The following PACRG variants were observed in gnomAD, a reference collection of about 807,000 sequenced individuals.
The protein encoded by PACRG is parkin coregulated.
PACRG carries 29 observed loss-of-function variants against 29.7 expected under a neutral mutation model. The ratio of observed to expected loss-of-function variants is 0.98; its 90% CI spans 0.73 to 1.33. PACRG has a LOEUF of 1.33. Ranked by LOEUF, PACRG falls within the 40% of genes most tolerant of loss-of-function variation. PACRG has a pLI of 0.00. For synonymous variants in PACRG, 116 were observed against 118.7 expected, an observed-to-expected ratio of 0.98 and a Z score of 0.15; for missense variants, 279 against 316.2, an observed-to-expected ratio of 0.88 and a Z score of 0.89.
chr6:163,214,089 G>T (rs555524648), intron 4 of PACRG, among the ~76,000 whole-genome samples: 1 of 151,916 alleles, frequency 6.6e-6, no homozygotes, highest in Non-Finnish European at 1.5e-5. Context: ...AACATGCTTC[G>T]GTAGAGTATT....
intron 4 of PACRG, among the ~76,000 whole-genome samples, chr6:163,167,755 T>C (rs1465354739): frequency 6.6e-6 from 1 of 152,230 alleles, no homozygotes; most frequent in Non-Finnish European, 1.5e-5. Context: ...TTGATTCTGC[T>C]CAAAACTCTG....
intron 1 of PACRG, among the ~76,000 whole-genome samples, chr6:162,761,454 C>T (rs1325916526): frequency 1.3e-5 from 2 of 152,108 alleles, no homozygotes; most frequent in Non-Finnish European, 2.9e-5. Flanking sequence ...CTTTAGAAAG[C>T]ATAGGAAGTT....
rs113237986 is a variant in PACRG at position 163,110,618 on chromosome 6, C to T, written c.613+21210C>T. Among the ~76,000 whole-genome samples the T allele has an allele frequency of 5.1e-3, 772 of 152,292 alleles. 11 individuals are homozygous for T. Among genetic ancestry groups the T allele is most frequent in the African/African-American group, 0.017 (722 of 41,560 alleles). On this transcript the variant is annotated intron_variant, in intron 4 of 4. Coordinates refer to ENST00000366888, the MANE Select transcript of PACRG (RefSeq NM_001080379.2). ...TCACATTGCTGTCTTCACCACAGAGCCCCTTGTAGAGCCAAAATACCATGG... is the reference window on the plus strand; with the variant it reads ...TCACATTGCTGTCTTCACCACAGAGTCCCTTGTAGAGCCAAAATACCATGG...
At chr6:163,047,046 C>A (rs145441865) in intron 2 of PACRG, among the ~76,000 whole-genome samples, 1 of 152,234 alleles carries the variant, frequency 6.6e-6, no homozygotes, top group African/African-American at 2.4e-5. Flanking sequence ...CTTATTTGGT[C>A]GAGTGTATTA....
intron 2 of PACRG, among the ~76,000 whole-genome samples, chr6:163,012,187 T>A (rs1159351754): frequency 6.6e-6 from 1 of 152,264 alleles, no homozygotes; most frequent in African/African-American, 2.4e-5. Context: ...GTACCCCTTT[T>A]ATTCTAATCC....
In PACRG at chr6:162,995,891, A is replaced by G. The variant is rs545989749; in HGVS notation, c.292-66259A>G. Among the ~76,000 whole-genome samples the G allele has an allele frequency of 8.5e-5, 13 of 152,360 alleles. No homozygotes were observed. The South Asian group carries it at 1.2e-3, about 15-fold the overall frequency. On this transcript the variant is annotated intron_variant, in intron 2 of 4. Transcript: ENST00000366888. ...CTTGGCTATTGTGAATAATGCCACAATGAACATGGGAGGATAGATATCTCT... is the reference window on the plus strand; with the variant it reads ...CTTGGCTATTGTGAATAATGCCACAGTGAACATGGGAGGATAGATATCTCT...
rs1562349627 is a variant in PACRG at position 163,269,889 on chromosome 6, GAAAACAAAGAA to G, written c.614-44936_614-44926del. Among the ~76,000 whole-genome samples the G allele has an allele frequency of 4.9e-4, 12 of 24,386 alleles. 1 individual carries two copies. Among genetic ancestry groups the G allele is most frequent in the African/African-American group, 1.8e-3 (11 of 6,028 alleles). 16.0% of individuals were successfully genotyped at this position (24,386 alleles called of 152,430 possible). A position where few individuals can be genotyped will look rare whatever the true frequency, so the allele number is the denominator to read the frequency against. On this transcript the variant is annotated intron_variant, in intron 4 of 4. Transcript: ENST00000366888. The stretch of plus-strand genomic sequence containing the variant: ...AAAGAGAAAGAAAGAAAGAAAGAAA[GAAAACAAAGAA>G]AGAAAGAAAGAAAGAAAGAAAGAAA...
At chr6:163,295,690 A>G (rs1012841459) in intron 4 of PACRG, among the ~76,000 whole-genome samples, 1 of 152,238 alleles carries the variant, frequency 6.6e-6, no homozygotes, top group Non-Finnish European at 1.5e-5. Context: ...AATGATTATA[A>G]TTACAGCAAA....
At chr6:162,866,731 A>C (rs1299224424) in intron 2 of PACRG, among the ~76,000 whole-genome samples, 1 of 152,218 alleles carries the variant, frequency 6.6e-6, no homozygotes, top group East Asian at 1.9e-4. Flanking sequence ...AGTTACAATA[A>C]AAGCCTAAAC....
intron 2 of PACRG, among the ~76,000 whole-genome samples, chr6:163,048,795 GCTAT>G (rs1428548688): frequency 4.6e-5 from 7 of 152,002 alleles, no homozygotes; most frequent in African/African-American, 1.2e-4. Flanking sequence ...TAAAAGTTTG[GCTAT>G]CTTTTAGTTA....
chr6:163,294,145 A>ATCTATTTTATT (rs1784707451), intron 4 of PACRG, among the ~76,000 whole-genome samples: 1 of 152,194 alleles, frequency 6.6e-6, no homozygotes, highest in African/African-American at 2.4e-5. Context: ...TAGATGAGGA[A>ATCTATTTTATT]ATTGTACTTC....
At chr6:163,043,239 T>C (rs1284070090) in intron 2 of PACRG, 1 of 152,278 alleles carries the variant, frequency 6.6e-6, no homozygotes, top group African/African-American at 2.4e-5. Flanking sequence ...AAAGAATTTT[T>C]TTCTATACAA....
intron 2 of PACRG, among the ~76,000 whole-genome samples, chr6:162,876,391 T>C (rs112752260): frequency 3.3e-4 from 50 of 152,302 alleles, no homozygotes; most frequent in African/African-American, 1.1e-3. Context: ...GGAGATCTTT[T>C]CTCTCTTTAT....
At chr6:163,177,415 C>T (rs1779416896) in intron 4 of PACRG, among the ~76,000 whole-genome samples, 1 of 152,144 alleles carries the variant, frequency 6.6e-6, no homozygotes, top group African/African-American at 2.4e-5. Flanking sequence ...GAGGAGAAAC[C>T]TGGAAGAGTC....
chr6:162,982,419 CTT>C (rs1462209616), intron 2 of PACRG, among the ~76,000 whole-genome samples: 2 of 151,726 alleles, frequency 1.3e-5, no homozygotes, highest in African/African-American at 2.4e-5. Flanking sequence ...CTCTTTTAGA[CTT>C]TGCGACGTAG....
intron 3 of PACRG, among the ~76,000 whole-genome samples, chr6:163,084,745 A>G (rs1200149447): frequency 6.6e-6 from 1 of 151,822 alleles, no homozygotes; most frequent in African/African-American, 2.4e-5. Context: ...TGTGAGAGAG[A>G]TTATTAATGC....
chr6:162,920,156 G>GA (rs11373409), intron 2 of PACRG, among the ~76,000 whole-genome samples: 18,195 of 151,948 alleles, frequency 0.12, 1,796 homozygotes, highest in African/African-American at 0.27. Flanking sequence ...GGAGGAAAGG[G>GA]AAAAAGCAAC....
At chr6:162,785,874 A>T (rs895829648) in intron 1 of PACRG, among the ~76,000 whole-genome samples, 5 of 152,138 alleles carry the variant, frequency 3.3e-5, no homozygotes, top group Admixed American at 6.5e-5. Flanking sequence ...ATGTAGGATA[A>T]CAAACAAGTA....
intron 2 of PACRG, among the ~76,000 whole-genome samples, chr6:162,923,468 CT>C (rs1484639834): frequency 6.6e-6 from 1 of 152,080 alleles, no homozygotes; most frequent in Non-Finnish European, 1.5e-5. Flanking sequence ...ATGTTTTCTT[CT>C]AGTAGTTTTA....
Sources: allele counts gnomAD v4.1 joint callset (sites outside exome capture counted in the v4.1 genomes callset), GRCh38; gene constraint gnomAD v4.1.1; transcripts MANE v1.5; gene names NCBI Gene and HGNC (gene_info 2026-07-23, HGNC 2026-07-21).